The following ECE1 variants were observed in gnomAD, a reference collection of about 807,000 sequenced individuals.
The protein encoded by ECE1 is endothelin-converting enzyme 1.
Under a neutral mutation model 98.6 loss-of-function variants are expected in ECE1, and 35 were observed. The observed-to-expected ratio is 0.35, with a 90% CI of 0.27 to 0.47. The LOEUF is 0.47. ECE1 is among the 20% of genes least tolerant of loss of function. ECE1 has a pLI of 1.00. For missense variants in ECE1, 814 were observed against 1,025.3 expected (o/e 0.79, Z 2.81); for synonymous variants, 394 against 407.1 (o/e 0.97, Z 0.39).
intron 10 of ECE1, among the ~76,000 whole-genome samples, chr1:21,239,785 CT>C (rs200501459): frequency 4.1e-3 from 589 of 142,414 alleles, no homozygotes; most frequent in South Asian, 4.3e-3. Flanking sequence ...TTTTTTCTTT[CT>C]TTTTTTTTTT....
intron 4 of ECE1, among the ~76,000 whole-genome samples, chr1:21,272,405 C>T (rs2098241284): frequency 6.6e-6 from 1 of 152,226 alleles, no homozygotes; most frequent in African/African-American, 2.4e-5. Context: ...GATTCTCCTG[C>T]CTCAGCCTCC....
At chr1:21,317,147 T>C (rs1638847301) in intron 1 of ECE1, among the ~76,000 whole-genome samples, 1 of 152,218 alleles carries the variant, frequency 6.6e-6, no homozygotes, top group Admixed American at 6.5e-5. Flanking sequence ...TTGGTTTTAC[T>C]GAGCCTGATG....
At chr1:21,284,256 T>G (rs1346050370) in intron 2 of ECE1, among the ~76,000 whole-genome samples, 1 of 152,144 alleles carries the variant, frequency 6.6e-6, no homozygotes, top group Non-Finnish European at 1.5e-5. Flanking sequence ...CCGTCAAGCA[T>G]GGGAGACTGG....
Position 21,219,667 on chromosome 1 carries a change from G to A in ECE1, c.*288C>T, listed in dbSNP as rs1219954298. ...CACAGTGGTATTTGTGGCGTATCTG[G>A]CGCTTGTCAGTGTGGGGCCCAGGCC... On this transcript the variant is annotated 3_prime_UTR_variant, in exon 19 of 19. Coordinates refer to ENST00000374893, the MANE Select transcript of ECE1 (RefSeq NM_001397.3). This position sits in a 1 kb window ranked among gnomAD's most constrained non-coding sequence, Gnocchi z 4.5. The A allele has an allele frequency of 1.2e-5, 6 of 499,036 alleles. No homozygotes were observed. Among genetic ancestry groups the A allele is most frequent in the Admixed American group, 3.2e-5 (1 of 31,254 alleles). 30.9% of individuals were successfully genotyped at this position (499,036 alleles called of 1,614,324 possible).
intron 1 of ECE1, among the ~76,000 whole-genome samples, chr1:21,324,408 T>G (rs1248361925): frequency 6.6e-6 from 1 of 152,164 alleles, no homozygotes; most frequent in African/African-American, 2.4e-5. Flanking sequence ...CTCCACCCAC[T>G]CAGCCCAGTG....
chr1:21,313,520 G>A (rs953780365), intron 1 of ECE1, among the ~76,000 whole-genome samples: 13 of 152,178 alleles, frequency 8.5e-5, no homozygotes, highest in Non-Finnish European at 1.2e-4. Flanking sequence ...GCAGAGCTGG[G>A]CGGGGATGAG....
Position 21,218,033 on chromosome 1 carries a change from C to G in ECE1, c.*1922G>C, listed in dbSNP as rs538795899. On this transcript the variant is annotated 3_prime_UTR_variant, in exon 19 of 19. Transcript: ENST00000374893. The surrounding 1 kb of genome is among the most constrained non-coding windows in gnomAD (Gnocchi z 4.0). ...GCACGTGCTGCCCCCACCTCCGTCT[C>G]GGGGCCTGGCTTCCCCACTGGATGG... The G allele has an allele frequency of 6.6e-6, 1 of 152,474 alleles. No individual in the cohort carries two copies. Among genetic ancestry groups the G allele is most frequent in the Middle Eastern group, 3.1e-3 (1 of 320 alleles). 9.4% of individuals were successfully genotyped at this position (152,474 alleles called of 1,614,324 possible).
At chr1:21,222,243 C>T (rs1378743648) in intron 17 of ECE1, among the ~76,000 whole-genome samples, 1 of 152,020 alleles carries the variant, frequency 6.6e-6, no homozygotes, top group Non-Finnish European at 1.5e-5. Context: ...CATCCCAGGC[C>T]CCAAACCCAG....
At chr1:21,311,859 C>T (rs531087693) in intron 1 of ECE1, among the ~76,000 whole-genome samples, 1 of 151,878 alleles carries the variant, frequency 6.6e-6, no homozygotes, top group Admixed American at 6.6e-5. Context: ...TACAGTGGCT[C>T]ACACCTGTAA....
chr1:21,253,836 C>T (rs559165752), intron 8 of ECE1, among the ~76,000 whole-genome samples: 8 of 150,404 alleles, frequency 5.3e-5, no homozygotes, highest in African/African-American at 9.8e-5. Context: ...TTTGGGACGC[C>T]GAGGCGGGTG....
At chr1:21,279,876 G>T (rs1029580141) in intron 2 of ECE1, 13 of 274,934 alleles carry the variant, frequency 4.7e-5, no homozygotes, top group African/African-American at 3.0e-4. Flanking sequence ...GGTCCAGAGA[G>T]GTGAGACCCT....
intron 15 of ECE1, 65 bp from the exon 16 acceptor site, chr1:21,227,291 G>C: frequency 6.7e-7 from 1 of 1,490,342 alleles, no homozygotes; most frequent in South Asian, 1.1e-5. Context: ...TCTTGCTCAG[G>C]TATGTGACCC....
chr1:21,302,126 C>T (rs533904861), intron 1 of ECE1, among the ~76,000 whole-genome samples: 3 of 152,328 alleles, frequency 2.0e-5, no homozygotes, highest in East Asian at 1.9e-4. Context: ...GGAGACCCAG[C>T]GGGTATTAGG....
At chr1:21,229,664 G>A (rs1454046160) in intron 14 of ECE1, among the ~76,000 whole-genome samples, 1 of 152,116 alleles carries the variant, frequency 6.6e-6, no homozygotes, top group Non-Finnish European at 1.5e-5. Context: ...CAATAATAAT[G>A]GAAGGTTTTT....
chr1:21,271,110 C>T (rs984474437), intron 4 of ECE1, among the ~76,000 whole-genome samples: 1 of 152,216 alleles, frequency 6.6e-6, no homozygotes, highest in African/African-American at 2.4e-5. Context: ...TTTGCTGCTT[C>T]GGACATACTG....
chr1:21,265,066 A>C (rs1177400835), intron 4 of ECE1, among the ~76,000 whole-genome samples: 1 of 152,084 alleles, frequency 6.6e-6, no homozygotes, highest in Non-Finnish European at 1.5e-5. Context: ...TTATTTGTTT[A>C]CTGTCTGTCT....
chr1:21,253,631 C>G (rs537397211), intron 8 of ECE1, among the ~76,000 whole-genome samples: 13 of 149,934 alleles, frequency 8.7e-5, no homozygotes, highest in Non-Finnish European at 1.3e-4. Context: ...GGCGTGGTGG[C>G]GGGTGCCTGT....
chr1:21,334,873 C>T (rs749316736), intron 1 of ECE1, among the ~76,000 whole-genome samples: 4 of 152,116 alleles, frequency 2.6e-5, no homozygotes, highest in Admixed American at 6.5e-5. Context: ...CTGAGGCCCG[C>T]GCTCCTGCCT....
At chr1:21,284,987 C>G (rs934790608) in intron 2 of ECE1, among the ~76,000 whole-genome samples, 1 of 152,208 alleles carries the variant, frequency 6.6e-6, no homozygotes, top group South Asian at 2.1e-4. Flanking sequence ...ACCCTGCCTC[C>G]GAAAGTTCCC....
Sources: gnomAD v4.1 joint callset for allele counts (sites outside exome capture counted in the v4.1 genomes callset) on GRCh38, gnomAD v4.1.1 for gene constraint, Gnocchi (gnomAD v3.1) non-coding constraint, MANE v1.5 for transcripts, NCBI Gene and HGNC (gene_info 2026-07-23, HGNC 2026-07-21) for gene names.